Variants in CACNA1E observed in about 807,000 individuals in gnomAD.
CACNA1E encodes the protein voltage-dependent R-type calcium channel subunit alpha-1E.
Under a neutral mutation model 259.2 loss-of-function variants are expected in CACNA1E, and 40 were observed. That is an observed-to-expected ratio of 0.15 (90% CI 0.12 to 0.20). The LOEUF (loss-of-function observed/expected upper bound fraction) is 0.20, where lower values mean the gene tolerates loss of function less well. Ranked by LOEUF, CACNA1E falls within the 10% of genes least tolerant of loss-of-function variation. The probability of loss-of-function intolerance (pLI) is 1.00; values close to 1 mark genes in which losing one functional copy is unlikely to be tolerated. For missense variants in CACNA1E, 1,874 were observed against 3,040.1 expected (o/e 0.62, Z 9.02); for synonymous variants, 1,104 against 1,138.5 (o/e 0.97, Z 0.61).
intron 26 of CACNA1E, among the ~76,000 whole-genome samples, chr1:181,751,035 C>A (rs1007820860): frequency 3.3e-5 from 5 of 152,122 alleles, no homozygotes; most frequent in Non-Finnish European, 5.9e-5. Flanking sequence ...CAGCCGGAAG[C>A]CTTGCAGTTC....
chr1:181,763,908 T>G (rs1658803058), intron 34 of CACNA1E, among the ~76,000 whole-genome samples: 1 of 152,188 alleles, frequency 6.6e-6, no homozygotes, highest in African/African-American at 2.4e-5. Flanking sequence ...TCCTCTGCAT[T>G]TTCAGGGACT....
chr1:181,613,119 A>G (rs992481406), intron 6 of CACNA1E, among the ~76,000 whole-genome samples: 1 of 152,196 alleles, frequency 6.6e-6, no homozygotes, highest in Non-Finnish European at 1.5e-5. Flanking sequence ...AATACCACAC[A>G]GTTTCTTAAT....
intron 1 of CACNA1E, among the ~76,000 whole-genome samples, chr1:181,376,033 G>A (rs1027707640): frequency 3.3e-5 from 5 of 151,882 alleles, no homozygotes; most frequent in African/African-American, 1.2e-4. Context: ...CTCCATTAGG[G>A]CAGAAACTAT....
chr1:181,355,011 C>G (rs1653315652), intron 1 of CACNA1E, among the ~76,000 whole-genome samples: 1 of 152,164 alleles, frequency 6.6e-6, no homozygotes, highest in Admixed American at 6.5e-5. Flanking sequence ...TGGTGCCTGC[C>G]CCACAAGGAA....
At chr1:181,561,873 G>A (rs955369786) in intron 3 of CACNA1E, among the ~76,000 whole-genome samples, 4 of 152,132 alleles carry the variant, frequency 2.6e-5, no homozygotes, top group East Asian at 1.9e-4. Flanking sequence ...GTTGCTCCAC[G>A]TTCTAAGCAG....
At chr1:181,506,176 C>T (rs1029043966) in intron 1 of CACNA1E, among the ~76,000 whole-genome samples, 1 of 152,178 alleles carries the variant, frequency 6.6e-6, no homozygotes, top group Non-Finnish European at 1.5e-5. Flanking sequence ...TCTTTGAGGC[C>T]GTGGCGACTC....
chr1:181,521,239 G>T (rs1215577508), intron 3 of CACNA1E, among the ~76,000 whole-genome samples: 1 of 152,192 alleles, frequency 6.6e-6, no homozygotes, highest in Non-Finnish European at 1.5e-5. Context: ...TTACATCACT[G>T]TGGGGGTCCC....
intron 3 of CACNA1E, among the ~76,000 whole-genome samples, chr1:181,516,369 A>G (rs1013920587): frequency 7.2e-5 from 11 of 152,098 alleles, no homozygotes; most frequent in African/African-American, 2.7e-4. Flanking sequence ...ACACACACAC[A>G]CACACACACA....
rs1195902918 is a variant in CACNA1E at position 181,711,093 on chromosome 1, G to T, written c.1171+24G>T. 2.1e-5 allele frequency: 31 copies of T among 1,497,532 alleles called. No homozygotes were observed. The Admixed American group carries it at 5.0e-4, about 24-fold the overall frequency. 92.8% of individuals were successfully genotyped at this position (1,497,532 alleles called of 1,614,324 possible). A position where few individuals can be genotyped will look rare whatever the true frequency, so the allele number is the denominator to read the frequency against. On this transcript the variant is annotated intron_variant, in intron 8 of 47. Coordinates refer to ENST00000367573, the MANE Select transcript of CACNA1E (RefSeq NM_001205293.3). ...AGGTAGGCCTGGGGGGCTGCAGGAGGCTGGTGAGTGGGCTGCAGAGACATC... is the reference window on the plus strand; with the variant it reads ...AGGTAGGCCTGGGGGGCTGCAGGAGTCTGGTGAGTGGGCTGCAGAGACATC...
chr1:181,501,424 C>T (rs1382372234), intron 1 of CACNA1E, among the ~76,000 whole-genome samples: 1 of 152,182 alleles, frequency 6.6e-6, no homozygotes, highest in Non-Finnish European at 1.5e-5. Context: ...CCACTTTATC[C>T]AGAGGGCAGG....
intron 1 of CACNA1E, among the ~76,000 whole-genome samples, chr1:181,384,839 T>C (rs191329391): frequency 3.3e-3 from 497 of 152,248 alleles, no homozygotes; most frequent in Non-Finnish European, 5.8e-3. Context: ...TGTATACATA[T>C]GTAACTAACC....
At chr1:181,451,093 T>C (rs1475837496) in intron 2 of CACNA1E, among the ~76,000 whole-genome samples, 1 of 152,190 alleles carries the variant, frequency 6.6e-6, no homozygotes, top group Admixed American at 6.5e-5. Flanking sequence ...ATGAGAGCTG[T>C]ATGGGCATGT....
intron 2 of CACNA1E, among the ~76,000 whole-genome samples, chr1:181,454,339 T>C (rs1172013353): frequency 6.6e-6 from 1 of 152,270 alleles, no homozygotes; most frequent in Admixed American, 6.5e-5. Flanking sequence ...ACATTATTCC[T>C]ATTCAAACAC....
At position 181,684,937 on chromosome 1, in the gene CACNA1E, T is replaced by C. The variant is rs1650363832; in HGVS notation, c.1056-26017T>C. On this transcript the variant is annotated intron_variant, in intron 7 of 47. Transcript: ENST00000367573. ...CAGAAAATAAACAGGGTAATTCTGA[T>C]TTGTGATTGGACAGCCTTTGAATTA... 2.0e-5 allele frequency among the ~76,000 whole-genome samples: 3 copies of C among 150,906 alleles called. No homozygotes were observed. The Admixed American group carries it at 2.0e-4, about 10-fold the overall frequency.
intron 2 of CACNA1E, among the ~76,000 whole-genome samples, chr1:181,470,920 C>T (rs1174201579): frequency 2.0e-5 from 3 of 152,128 alleles, no homozygotes; most frequent in Non-Finnish European, 4.4e-5. Flanking sequence ...TCTGTTTTTG[C>T]TCCTATAACA....
chr1:181,771,388 C>T lies in CACNA1E; in HGVS notation c.4973+4C>T. On this transcript the variant is annotated splice_donor_region_variant and intron_variant, in intron 36 of 47. Coordinates refer to ENST00000367573, the MANE Select transcript of CACNA1E (RefSeq NM_001205293.3). Reference sequence around the variant, plus strand: ...GGTCCCTAATGCTACTCTTCAGGTACCTGGATGCGTAACTGTCATAGCTGG... The same window carrying T: ...GGTCCCTAATGCTACTCTTCAGGTATCTGGATGCGTAACTGTCATAGCTGG... The T allele has an allele frequency of 6.5e-7, 1 of 1,532,408 alleles. No homozygotes were observed. Among genetic ancestry groups the T allele is most frequent in the South Asian group, 1.2e-5 (1 of 86,642 alleles). 94.9% of individuals were successfully genotyped at this position (1,532,408 alleles called of 1,614,324 possible).
chr1:181,736,216 A>G, intron 21 of CACNA1E, 59 bp from the exon 22 acceptor site: 1 of 1,528,294 alleles, frequency 6.5e-7, no homozygotes, highest in Non-Finnish European at 8.8e-7. Context: ...CTAAACACAA[A>G]TGGTGCCATT....
At chr1:181,645,011 C>T (rs985858835) in intron 6 of CACNA1E, among the ~76,000 whole-genome samples, 1 of 152,136 alleles carries the variant, frequency 6.6e-6, no homozygotes, top group African/African-American at 2.4e-5. Context: ...AGTTACATAG[C>T]AGCTGGGGGA....
At chr1:181,569,788 G>A (rs1278870731) in intron 3 of CACNA1E, among the ~76,000 whole-genome samples, 1 of 152,216 alleles carries the variant, frequency 6.6e-6, no homozygotes, top group African/African-American at 2.4e-5. Context: ...CATTACTGTT[G>A]CATATTGTTC....
Sources: allele counts gnomAD v4.1 joint callset (sites outside exome capture counted in the v4.1 genomes callset), GRCh38; gene constraint gnomAD v4.1.1; transcripts MANE v1.5; gene names NCBI Gene and HGNC (gene_info 2026-07-23, HGNC 2026-07-21).